The following PRKN variants were observed in gnomAD, a reference collection of about 807,000 sequenced individuals.
The protein encoded by PRKN is E3 ubiquitin-protein ligase parkin.
In PRKN, 56 loss-of-function variants were observed where a neutral mutation model predicts 59.5. That is an observed-to-expected ratio of 0.94 (90% CI 0.76 to 1.18). The LOEUF (loss-of-function observed/expected upper bound fraction) is 1.18. Among genes scored for constraint, PRKN ranks in the 50% most tolerant of loss-of-function variants. The probability of loss-of-function intolerance (pLI) is 0.00; values close to 1 mark genes in which losing one functional copy is unlikely to be tolerated. For synonymous variants in PRKN, 250 were observed against 222.1 expected (o/e 1.13, Z -1.12); for missense variants, 657 against 596.4 (o/e 1.10, Z -1.06).
At chr6:161,669,769 G>A (rs1784845063) in intron 7 of PRKN, among the ~76,000 whole-genome samples, 1 of 152,222 alleles carries the variant, frequency 6.6e-6, no homozygotes, top group Admixed American at 6.5e-5. Flanking sequence ...TTCTACATGT[G>A]GTGTGAGGAG....
chr6:162,179,774 A>G (rs1458618301), intron 4 of PRKN, among the ~76,000 whole-genome samples: 1 of 152,096 alleles, frequency 6.6e-6, no homozygotes, highest in South Asian at 2.1e-4. Context: ...TCATGAGCTT[A>G]TGTATGTGCC....
intron 9 of PRKN, among the ~76,000 whole-genome samples, chr6:161,507,510 A>G (rs1007684687): frequency 4.6e-5 from 7 of 152,130 alleles, no homozygotes; most frequent in African/African-American, 7.2e-5. Flanking sequence ...ATAATCTACA[A>G]TCTCTTTTGC....
At chr6:162,286,809 A>T (rs914338719) in intron 2 of PRKN, among the ~76,000 whole-genome samples, 1 of 152,214 alleles carries the variant, frequency 6.6e-6, no homozygotes, top group East Asian at 1.9e-4. Context: ...CTTTAATTTC[A>T]TAACGACTCC....
chr6:162,638,770 G>C lies in PRKN; in HGVS notation c.7+88892C>G, dbSNP rs1777849776. On this transcript the variant is annotated intron_variant, in intron 1 of 11. Coordinates refer to ENST00000366898, the MANE Select transcript of PRKN (RefSeq NM_004562.3). ...TTTTTTTTTTTTTTTTTTTGGCAGA[G>C]TTTTGCTCTTGTTGCCCATGCTGGA... is the stretch of plus-strand genomic sequence containing the variant. Among the ~76,000 whole-genome samples, 6 of 106,686 alleles carry C rather than the reference G, an allele frequency of 5.6e-5. No individual in the cohort carries two copies. In the Admixed American group the frequency reaches 6.1e-4, roughly 11 times the overall value. 70.0% of individuals were successfully genotyped at this position (106,686 alleles called of 152,430 possible).
intron 1 of PRKN, among the ~76,000 whole-genome samples, chr6:162,697,959 A>G (rs563301434): frequency 6.6e-6 from 1 of 152,326 alleles, no homozygotes; most frequent in African/African-American, 2.4e-5. Context: ...TATGGAGAAT[A>G]CAGAAATGAC....
chr6:161,666,476 G>A (rs1562594491), intron 7 of PRKN, among the ~76,000 whole-genome samples: 1 of 152,080 alleles, frequency 6.6e-6, no homozygotes, highest in Non-Finnish European at 1.5e-5. Flanking sequence ...ACGGAAACTG[G>A]TCCCTGGTGC....
chr6:162,031,788 C>T (rs1783652558), intron 5 of PRKN, among the ~76,000 whole-genome samples: 1 of 152,132 alleles, frequency 6.6e-6, no homozygotes, highest in Non-Finnish European at 1.5e-5. Context: ...ACTCAACCTC[C>T]CAAAGTGCTG....
At chr6:162,546,573 A>T (rs1010475211) in intron 1 of PRKN, among the ~76,000 whole-genome samples, 3 of 151,410 alleles carry the variant, frequency 2.0e-5, no homozygotes, top group African/African-American at 4.9e-5. Flanking sequence ...CTTCCCAAGT[A>T]GCTGGGATTA....
At chr6:161,896,393 G>C (rs1777627992) in intron 6 of PRKN, among the ~76,000 whole-genome samples, 1 of 152,116 alleles carries the variant, frequency 6.6e-6, no homozygotes, top group Non-Finnish European at 1.5e-5. Context: ...TGCCCATTTA[G>C]CAGAGGCCAT....
intron 3 of PRKN, among the ~76,000 whole-genome samples, chr6:162,201,507 G>C (rs1329712175): frequency 6.6e-6 from 1 of 152,158 alleles, no homozygotes; most frequent in Non-Finnish European, 1.5e-5. Context: ...GCAGCCTACT[G>C]CCAAGAGAAT....
At chr6:161,734,223 T>C (rs965752480) in intron 7 of PRKN, among the ~76,000 whole-genome samples, 1 of 152,152 alleles carries the variant, frequency 6.6e-6, no homozygotes, top group African/African-American at 2.4e-5. Flanking sequence ...GCAGCTTACA[T>C]TGCTAACATT....
In PRKN at chr6:161,526,454, A is replaced by AT. The variant is rs1231299044; in HGVS notation, c.1083+22399dup. On this transcript the variant is annotated intron_variant, in intron 9 of 11. Coordinates refer to ENST00000366898, the MANE Select transcript of PRKN (RefSeq NM_004562.3). The surrounding 1 kb of genome is among the most constrained non-coding windows in gnomAD (Gnocchi z 4.1). ...CACACAAACTAAAATATTAAGTGAT[A>AT]TTTTCCTATTGTCTTCTTTTTTGTT... Among the ~76,000 whole-genome samples the AT allele has an allele frequency of 1.3e-5, 2 of 152,150 alleles. No homozygotes were observed. The highest frequency in any genetic ancestry group is 4.8e-5 in the African/African-American group (2 of 41,540).
intron 1 of PRKN, among the ~76,000 whole-genome samples, chr6:162,716,814 C>T (rs1778748575): frequency 6.7e-6 from 1 of 148,808 alleles, no homozygotes; most frequent in African/African-American, 2.5e-5. Flanking sequence ...ACACAGACTC[C>T]TCATGTGTAA....
At chr6:161,375,313 T>C (rs757056851) in intron 10 of PRKN, among the ~76,000 whole-genome samples, 1 of 152,186 alleles carries the variant, frequency 6.6e-6, no homozygotes, top group Non-Finnish European at 1.5e-5. Context: ...GTTTCTGCAG[T>C]GCAGGAGAGC....
intron 2 of PRKN, among the ~76,000 whole-genome samples, chr6:162,269,040 T>C (rs1227025428): frequency 6.6e-6 from 1 of 151,922 alleles, no homozygotes; most frequent in African/African-American, 2.4e-5. Flanking sequence ...AACAAGTGGG[T>C]TGCAGAGGAA....
chr6:162,501,421 C>A (rs543766643), intron 1 of PRKN, among the ~76,000 whole-genome samples: 1 of 150,594 alleles, frequency 6.6e-6, no homozygotes, highest in East Asian at 2.0e-4. Flanking sequence ...AATCTCGGCT[C>A]ACTGCAGCCT....
At chr6:162,560,284 C>A (rs191025559) in intron 1 of PRKN, among the ~76,000 whole-genome samples, 1 of 152,186 alleles carries the variant, frequency 6.6e-6, no homozygotes, top group Non-Finnish European at 1.5e-5. Context: ...AAATAATACA[C>A]ATGCTTTATG....
intron 4 of PRKN, among the ~76,000 whole-genome samples, chr6:162,187,626 T>C (rs1784086221): frequency 6.6e-6 from 1 of 152,144 alleles, no homozygotes; most frequent in South Asian, 2.1e-4. Flanking sequence ...TTCAAGAGAC[T>C]GGACACTACT....
intron 3 of PRKN, among the ~76,000 whole-genome samples, chr6:162,209,686 A>G (rs945196078): frequency 6.6e-6 from 1 of 152,198 alleles, no homozygotes; most frequent in Admixed American, 6.5e-5. Context: ...TATTCACACT[A>G]GCAAAGACTT....
Sources: allele counts gnomAD v4.1 joint callset (sites outside exome capture counted in the v4.1 genomes callset), GRCh38; gene constraint gnomAD v4.1.1; non-coding constraint Gnocchi (gnomAD v3.1); transcripts MANE v1.5; gene names NCBI Gene and HGNC (gene_info 2026-07-23, HGNC 2026-07-21).